The following ZNF638 variants were observed in gnomAD, a reference collection of about 807,000 sequenced individuals.
The protein encoded by ZNF638 is CTCL tumor antigen se33-1.
A neutral mutation model predicts 195.6 loss-of-function variants in ZNF638; 46 were observed. The observed-to-expected ratio is 0.24, with a 90% CI of 0.19 to 0.30. The LOEUF (loss-of-function observed/expected upper bound fraction) is 0.30. Ranked by LOEUF, ZNF638 falls within the 10% of genes least tolerant of loss-of-function variation. ZNF638 has a pLI of 1.00. For missense variants in ZNF638, 2,440 were observed against 2,325.3 expected (o/e 1.05, Z -1.01); for synonymous variants, 845 against 772.0 (o/e 1.09, Z -1.57).
intron 10 of ZNF638, chr2:71,395,546 T>C (rs2079875325): frequency 6.6e-6 from 4 of 609,650 alleles, no homozygotes; most frequent in East Asian, 2.9e-5. Flanking sequence ...ACGAGTTTTA[T>C]TTACTTTTGC....
intron 8 of ZNF638, among the ~76,000 whole-genome samples, chr2:71,374,405 ATAT>A (rs2079380097): frequency 6.6e-6 from 1 of 152,090 alleles, no homozygotes; most frequent in Admixed American, 6.5e-5. Context: ...TAGCTTCCTA[ATAT>A]TTCCCTGTCT....
chr2:71,385,716 G>A (rs2542525), intron 10 of ZNF638, among the ~76,000 whole-genome samples: 24,370 of 152,116 alleles, frequency 0.16, 2,461 homozygotes, highest in East Asian at 0.57. Context: ...CTACAGTTAT[G>A]CAAAGTGTTA....
At chr2:71,362,854 G>A (rs1242577268) in intron 3 of ZNF638, among the ~76,000 whole-genome samples, 1 of 152,148 alleles carries the variant, frequency 6.6e-6, no homozygotes, top group African/African-American at 2.4e-5. Context: ...TAAAGTAGAT[G>A]AACTGTCTTC....
At chr2:71,364,471 G>A (rs1040069917) in intron 5 of ZNF638, among the ~76,000 whole-genome samples, 1 of 152,126 alleles carries the variant, frequency 6.6e-6, no homozygotes. Context: ...ACCAAGGATG[G>A]TAAAAATGTC....
In ZNF638 at chr2:71,397,107, TCTTGAAG is replaced by T. The variant is rs139615702; in HGVS notation, c.2428+919_2428+925del. Among the ~76,000 whole-genome samples the T allele has an allele frequency of 6.2e-3, 941 of 152,334 alleles. 12 individuals are homozygous for T. Among genetic ancestry groups the T allele is most frequent in the African/African-American group, 0.021 (892 of 41,570 alleles). On this transcript the variant is annotated intron_variant, in intron 11 of 27. Coordinates refer to ENST00000264447, the MANE Select transcript of ZNF638 (RefSeq NM_014497.5). ...GGGTTATGGGTGGCTAGGAAACTTGTCTTGAAGCTGCATTTATTTTGCCAACACTTTG... is the reference window on the plus strand; with the variant it reads ...GGGTTATGGGTGGCTAGGAAACTTGTCTGCATTTATTTTGCCAACACTTTG...
chr2:71,379,571 A>G (rs2079496577), intron 8 of ZNF638: 1 of 152,198 alleles, frequency 6.6e-6, no homozygotes, highest in Admixed American at 6.5e-5. Flanking sequence ...GGCAATTTGG[A>G]TATGCCAAAG....
Position 71,364,008 on chromosome 2 carries a change from C to G in ZNF638, c.1473C>G (p.Pro491=), listed in dbSNP as rs2079153172. ...NETPRRRSHS[P]SPRRSRRSSS... is the part of the protein sequence containing the mutation. ...CTCCACGAAGACGTTCTCATTCCCC[C>G]AGTCCTAGGCGTTCTAGAAGATCAA... is the stretch of plus-strand genomic sequence containing the variant. Residue 491 remains proline, a synonymous_variant, in exon 5 of 28, where the codon CCC becomes CCG. Coordinates refer to ENST00000264447, the MANE Select transcript of ZNF638 (RefSeq NM_014497.5). 6.2e-7 allele frequency: 1 copy of G among 1,614,184 alleles called. No individual in the cohort carries two copies. The highest frequency in any genetic ancestry group is 8.5e-7 in the Non-Finnish European group (1 of 1,180,022).
intron 6 of ZNF638, among the ~76,000 whole-genome samples, chr2:71,367,263 G>A (rs2079216789): frequency 6.7e-6 from 1 of 150,342 alleles, no homozygotes; most frequent in Admixed American, 6.6e-5. Context: ...TTCTTATTTA[G>A]TAAAAAATAA....
At chr2:71,367,677 G>A (rs2079226376) in intron 6 of ZNF638, among the ~76,000 whole-genome samples, 1 of 151,230 alleles carries the variant, frequency 6.6e-6, no homozygotes, top group African/African-American at 2.4e-5. Context: ...CTGACCTTGT[G>A]ATCTATCCAC....
chr2:71,370,051 T>A, intron 8 of ZNF638, 46 bp downstream of exon 8: 1 of 1,576,070 alleles, frequency 6.3e-7, no homozygotes, highest in South Asian at 1.2e-5. Flanking sequence ...GTTGTTTTAG[T>A]TTAACTTTTT....
intron 23 of ZNF638, among the ~76,000 whole-genome samples, chr2:71,425,893 G>A (rs574745006): frequency 6.6e-6 from 1 of 152,214 alleles, no homozygotes; most frequent in Admixed American, 6.5e-5. Flanking sequence ...TCGAACTCCT[G>A]ACCTCAGGTG....
rs777087814 is a variant in ZNF638, at chr2:71,348,763, T to C, written c.-192T>C. ...TGTTTTAACTTTCAGCTTTGTGTTATTCTTGGAAAATTTCGCACCACTTGT... is the reference window on the plus strand; with the variant it reads ...TGTTTTAACTTTCAGCTTTGTGTTACTCTTGGAAAATTTCGCACCACTTGT... On this transcript the variant is annotated 5_prime_UTR_variant, in exon 2 of 28. Coordinates refer to ENST00000264447, the MANE Select transcript of ZNF638 (RefSeq NM_014497.5). The C allele has an allele frequency of 2.6e-6, 4 of 1,534,208 alleles. No individual in the cohort carries two copies. The highest frequency in any genetic ancestry group is 1.2e-5 in the South Asian group (1 of 83,540).
intron 2 of ZNF638, among the ~76,000 whole-genome samples, chr2:71,353,419 C>G (rs1277595890): frequency 1.3e-5 from 2 of 152,188 alleles, no homozygotes; most frequent in African/African-American, 4.8e-5. Context: ...CATTCTGAGC[C>G]TGCCTAATTC....
intron 7 of ZNF638, 76 bp from the exon 8 acceptor site, chr2:71,369,807 G>A (rs1305795258): frequency 1.4e-6 from 2 of 1,421,366 alleles, no homozygotes; most frequent in Non-Finnish European, 1.9e-6. Context: ...ACAAAAGAAA[G>A]GATTAAGCCC....
chr2:71,384,261 T>C (rs1000056331), intron 10 of ZNF638, among the ~76,000 whole-genome samples: 2 of 152,156 alleles, frequency 1.3e-5, no homozygotes, highest in African/African-American at 2.4e-5. Flanking sequence ...CTGACTGGTA[T>C]TTTTTATTCC....
chr2:71,431,654 G>A (rs1379993605), intron 26 of ZNF638, among the ~76,000 whole-genome samples: 2 of 152,056 alleles, frequency 1.3e-5, no homozygotes, highest in Admixed American at 1.3e-4. Flanking sequence ...AAGCTACTCG[G>A]GAGGCTGAGG....
At chr2:71,400,573 A>G in intron 15 of ZNF638, 55 bp downstream of exon 15, 6 of 1,472,010 alleles carry the variant, frequency 4.1e-6, no homozygotes, top group Non-Finnish European at 5.5e-6. Context: ...TTAACAAAAG[A>G]TATTTTTCTT....
At chr2:71,393,276 C>T (rs2079822427) in intron 10 of ZNF638, 1 of 615,814 alleles carries the variant, frequency 1.6e-6, no homozygotes, top group Non-Finnish European at 3.0e-6. Context: ...CTTGCTAAAA[C>T]CTCTCAAGAC....
At chr2:71,408,320 A>G (rs745936576) in intron 20 of ZNF638, 73 bp downstream of exon 20, 16 of 1,501,546 alleles carry the variant, frequency 1.1e-5, no homozygotes, top group Non-Finnish European at 1.3e-5. Context: ...CTCAGGTAGT[A>G]GTCAAACTGT....
Sources: allele counts gnomAD v4.1 joint callset (sites outside exome capture counted in the v4.1 genomes callset), GRCh38; gene constraint gnomAD v4.1.1; transcripts MANE v1.5; gene names NCBI Gene and HGNC (gene_info 2026-07-23, HGNC 2026-07-21).